P3H3: variants seen among roughly 807,000 people sequenced by gnomAD.
P3H3 encodes the protein gene rich cluster, B.
P3H3 carries 64 observed loss-of-function variants against 78.1 expected under a neutral mutation model. The ratio of observed to expected loss-of-function variants is 0.82; its 90% CI spans 0.67 to 1.01. The LOEUF is 1.01. Ranked by LOEUF, P3H3 falls within the 50% of genes least tolerant of loss-of-function variation. The pLI is 0.00. For synonymous variants in P3H3, 425 were observed against 416.7 expected, an observed-to-expected ratio of 1.02 and a Z score of -0.24; for missense variants, 975 against 982.2, an observed-to-expected ratio of 0.99 and a Z score of 0.10.
intron 6 of P3H3, among the ~76,000 whole-genome samples, chr12:6,832,178 A>G (rs1171904572): frequency 6.6e-6 from 1 of 152,212 alleles, no homozygotes; most frequent in Non-Finnish European, 1.5e-5. Context: ...AAGTTGGAAT[A>G]ATCACATCTG....
At position 6,830,699 on chromosome 12, in the gene P3H3, C is replaced by A. The variant is rs368259640; in HGVS notation, c.914C>A (p.Pro305His). The change falls in exon 4 of 15, where the codon CCT becomes CAT. Residue 305 changes from proline to histidine, a missense_variant. By Grantham distance (77) the Pro-to-His change is moderately conservative. Transcript: ENST00000290510. ...QRCVGETATR[P>H]GRSFPVPDFL... The stretch of plus-strand genomic sequence containing the variant: ...TGTGTGGGGGAAACAGCCACACGCC[C>A]TGGTCGCAGCTTCCCTGTCCCAGAC... 2.5e-5 allele frequency: 41 copies of A among 1,613,730 alleles called. No individual in the cohort carries two copies. The Middle Eastern group carries it at 4.9e-4, about 19-fold the overall frequency.
At position 6,837,878 on chromosome 12, in the gene P3H3, G is replaced by A. The variant is rs782229429; in HGVS notation, c.1829+29G>A. ...GGCAGCCCCTCTAGTGGTCAGGCAG[G>A]TGGGCAGACAAAGGTCATCCCACTG... is the stretch of plus-strand genomic sequence containing the variant. On this transcript the variant is annotated intron_variant, in intron 12 of 14. Transcript: ENST00000290510. 11 of 1,597,082 alleles carry A rather than the reference G, an allele frequency of 6.9e-6. No individual in the cohort carries two copies. The East Asian group carries it at 2.3e-4, about 33-fold the overall frequency.
intron 2 of P3H3, 39 bp downstream of exon 2, chr12:6,830,050 T>G (rs782420984): frequency 6.2e-7 from 1 of 1,608,874 alleles, no homozygotes; most frequent in East Asian, 2.2e-5. Flanking sequence ...GCCACCAGCC[T>G]TTTCCTGGCT....
At position 6,831,434 on chromosome 12, in the gene P3H3, C is replaced by T; in HGVS notation, c.1122+82C>T. ...GAGAAGTAACCTGGACCCCCACCCC[C>T]CGCTGGCCTCTTACCCGAGCACTCT... On this transcript the variant is annotated intron_variant, in intron 5 of 14. Transcript: ENST00000290510. This position sits in a 1 kb window ranked among gnomAD's most constrained non-coding sequence, Gnocchi z 4.6. 6.4e-7 allele frequency: 1 copy of T among 1,565,158 alleles called. No homozygotes were observed. The highest frequency in any genetic ancestry group is 2.3e-4 in the Middle Eastern group (1 of 4,374).
At position 6,839,458 on chromosome 12, in the gene P3H3, G is replaced by A. The variant is rs1555122789; in HGVS notation, c.2208G>A (p.Leu736=). The A allele has an allele frequency of 1.3e-6, 2 of 1,550,786 alleles. No individual in the cohort carries two copies. The change falls in exon 15 of 15, where the codon CTG becomes CTA. Residue 736 remains leucine, a synonymous_variant. Transcript: ENST00000290510. ...GGGCACCTCGGGTTCGGGAGGAGCT[G>A]TGAGTGGCTGAGCCAGCTCCTTGAG... is the stretch of plus-strand genomic sequence containing the variant. ...TGRAPRVREE[L] is the part of the protein sequence containing the mutation.
At position 6,837,592 on chromosome 12, in the gene P3H3, A is replaced by G. The variant is rs1943512499; in HGVS notation, c.1711+19A>G. 1 of 1,609,266 alleles carries G rather than the reference A, an allele frequency of 6.2e-7. No homozygotes were observed. Among genetic ancestry groups the G allele is most frequent in the Non-Finnish European group, 8.5e-7 (1 of 1,178,126 alleles). On this transcript the variant is annotated intron_variant, in intron 11 of 14. Transcript: ENST00000290510. ...ATAGAAGGTACGACAGGGACCCCCC[A>G]CTGCTCTTCTCCAACCTCAGGCCCT...
chr12:6,830,885 T>C lies in P3H3; in HGVS notation c.985+115T>C, dbSNP rs201186333. The C allele has an allele frequency of 1.8e-3, 2,582 of 1,456,626 alleles. 3 individuals are homozygous for C. Among genetic ancestry groups the C allele is most frequent in the Non-Finnish European group, 2.2e-3 (2,249 of 1,041,798 alleles). The allele number at this position is 1,456,626 out of a possible 1,614,324, so 90.2% of individuals were successfully genotyped here. On this transcript the variant is annotated intron_variant, in intron 4 of 14. Transcript: ENST00000290510. Reference sequence around the variant, plus strand: ...GGATTTGTAGTTTCACTGTCAGGGCTGCATGGGAACCATCACTTCACAAGG... The same window carrying C: ...GGATTTGTAGTTTCACTGTCAGGGCCGCATGGGAACCATCACTTCACAAGG...
At chr12:6,833,671 G>T (rs940456071) in intron 7 of P3H3, 27 bp downstream of exon 7, 10 of 1,611,402 alleles carry the variant, frequency 6.2e-6, no homozygotes, top group South Asian at 1.1e-5. Flanking sequence ...GGTGGGAGGG[G>T]CTTGGCCCGA....
At chr12:6,832,937 A>T (rs894869252) in intron 6 of P3H3, among the ~76,000 whole-genome samples, 2 of 145,804 alleles carry the variant, frequency 1.4e-5, no homozygotes, top group African/African-American at 2.5e-5. Context: ...CTGCTTTGGG[A>T]GGCCGAGGCA....
At position 6,828,973 on chromosome 12, in the gene P3H3, G is replaced by A. The variant is rs782414472; in HGVS notation, c.498+35G>A. 129 of 1,121,156 alleles carry A rather than the reference G, an allele frequency of 1.2e-4. 1 individual carries two copies. In the African/African-American group the frequency reaches 2.0e-3, roughly 17 times the overall value. 69.5% of individuals were successfully genotyped at this position (1,121,156 alleles called of 1,614,324 possible). On this transcript the variant is annotated intron_variant, in intron 1 of 14. Coordinates refer to ENST00000290510, the MANE Select transcript of P3H3 (RefSeq NM_014262.5). ...GGGCCGGGCAGCTCCGAGGGTCCCAGCCCTCACCACGACGCTGTCCTACTT... is the reference window on the plus strand; with the variant it reads ...GGGCCGGGCAGCTCCGAGGGTCCCAACCCTCACCACGACGCTGTCCTACTT...
intron 10 of P3H3, 159 bp downstream of exon 10, chr12:6,837,245 C>A: frequency 9.8e-7 from 1 of 1,019,268 alleles, no homozygotes; most frequent in Non-Finnish European, 1.4e-6. Context: ...GTTCTGAGAG[C>A]TGGGGCCGGG....
rs376887368 is a variant in P3H3, at chr12:6,830,746, C to T, written c.961C>T (p.Arg321Trp). Reference sequence around the variant, plus strand: ...AGACTTCCTTCCCAACCAGCTGAGGCGGCTACATGAGGCCCATGCTCAGGG... The same window carrying T: ...AGACTTCCTTCCCAACCAGCTGAGGTGGCTACATGAGGCCCATGCTCAGGG... ...VPDFLPNQLR[R>W]LHEAHAQVGN... is the part of the protein sequence containing the mutation. Residue 321 changes from arginine to tryptophan, a missense_variant, in exon 4 of 15, where the codon CGG (arginine) becomes TGG (tryptophan). By Grantham distance (101) the Arg-to-Trp change is moderately radical. Transcript: ENST00000290510. 662 of 1,613,946 alleles carry T rather than the reference C, an allele frequency of 4.1e-4. 8 individuals are homozygous for T. In the South Asian group the frequency reaches 4.7e-3, roughly 11 times the overall value.
chr12:6,834,781 C>G (rs1458160023), intron 9 of P3H3: 2 of 151,830 alleles, frequency 1.3e-5, no homozygotes, highest in Non-Finnish European at 2.9e-5. Flanking sequence ...AATAAAAATA[C>G]AAAAAAGTTA....
At chr12:6,835,824 CTGGAATCAGGT>C (rs1943490524) in intron 9 of P3H3, among the ~76,000 whole-genome samples, 2 of 152,026 alleles carry the variant, frequency 1.3e-5, no homozygotes, top group Non-Finnish European at 2.9e-5. Context: ...CCTGTAGTAC[CTGGAATCAGGT>C]GCAGGGTCTG....
In P3H3 at chr12:6,839,620, TC is replaced by T. The variant is rs1206010457; in HGVS notation, c.*160del. 3.2e-6 allele frequency: 3 copies of T among 950,264 alleles called. No individual in the cohort carries two copies. The highest frequency in any genetic ancestry group is 1.7e-5 in the African/African-American group (1 of 60,206). The allele number at this position is 950,264 out of a possible 1,614,324, so 58.9% of individuals were successfully genotyped here. ...CTTGGGGACCTACAAGGGCCTGGAC[TC>T]AGAGGACAGTGCACAGGCTAGCCTG... On this transcript the variant is annotated 3_prime_UTR_variant, in exon 15 of 15. Transcript: ENST00000290510.
chr12:6,837,431 G>C lies in P3H3; in HGVS notation c.1569G>C (p.Arg523=). The C allele has an allele frequency of 1.2e-6, 2 of 1,610,842 alleles. No homozygotes were observed. Among genetic ancestry groups the C allele is most frequent in the East Asian group, 4.5e-5 (2 of 44,780 alleles). The change falls in exon 11 of 15, where the codon CGG becomes CGC. Residue 523 remains arginine (R), a synonymous_variant. Transcript: ENST00000290510. ...CCTTTCACTGCCTGCAGCTGGCCCG[G>C]GCTGGGACAGTGGGCAGTCAGGGTG... The part of the protein sequence containing the change: ...LTVLKAAQLA[R]AGTVGSQGAK...
intron 8 of P3H3, 25 bp from the exon 9 acceptor site, chr12:6,833,900 C>G: frequency 1.2e-6 from 2 of 1,614,002 alleles, no homozygotes; most frequent in Non-Finnish European, 1.7e-6. Context: ...GCTCAGCCCC[C>G]TCTGCTCTGT....
chr12:6,835,352 G>A (rs1424677767), intron 9 of P3H3, among the ~76,000 whole-genome samples: 1 of 152,140 alleles, frequency 6.6e-6, no homozygotes, highest in Non-Finnish European at 1.5e-5. Flanking sequence ...GGAGGTCAAG[G>A]CAGGTGGATC....
In P3H3 at chr12:6,836,483, G is replaced by C. The variant is rs11832737; in HGVS notation, c.1459-502G>C. ...AGTATCAAGGAGTGGGGGAGCCACGGAGTCCACAGTTTCTCCGAGAGCATG... is the reference window on the plus strand; with the variant it reads ...AGTATCAAGGAGTGGGGGAGCCACGCAGTCCACAGTTTCTCCGAGAGCATG... On this transcript the variant is annotated intron_variant, in intron 9 of 14. Coordinates refer to ENST00000290510, the MANE Select transcript of P3H3 (RefSeq NM_014262.5). Among the ~76,000 whole-genome samples the C allele has an allele frequency of 6.0e-3, 907 of 152,276 alleles. 5 individuals carry two copies. The highest frequency in any genetic ancestry group is 0.021 in the African/African-American group (860 of 41,558).
Sources: allele counts gnomAD v4.1 joint callset (sites outside exome capture counted in the v4.1 genomes callset), GRCh38; gene constraint gnomAD v4.1.1; non-coding constraint Gnocchi (gnomAD v3.1); transcripts MANE v1.5; gene names NCBI Gene and HGNC (gene_info 2026-07-23, HGNC 2026-07-21).